CA10: variants seen among roughly 807,000 people sequenced by gnomAD.
CA10 encodes carbonic anhydrase-related protein 10.
CA10 carries 14 observed loss-of-function variants against 44.2 expected under a neutral mutation model. That is an observed-to-expected ratio of 0.32 (90% CI 0.21 to 0.50). The LOEUF (loss-of-function observed/expected upper bound fraction) is 0.50, where lower values mean the gene tolerates loss of function less well. Among genes scored for constraint, CA10 ranks in the 20% least tolerant of loss-of-function variants. CA10 has a pLI of 0.99. For synonymous variants in CA10, 159 were observed against 141.6 expected (o/e 1.12, Z -0.87); for missense variants, 350 against 409.7 (o/e 0.85, Z 1.26).
chr17:51,952,707 G>T (rs1983531013), intron 2 of CA10, among the ~76,000 whole-genome samples: 1 of 152,100 alleles, frequency 6.6e-6, no homozygotes, highest in African/African-American at 2.4e-5. Context: ...TAAATAGAAA[G>T]GGAAAATGTC....
intron 8 of CA10, among the ~76,000 whole-genome samples, chr17:51,633,022 A>G (rs1795297695): frequency 6.6e-6 from 1 of 152,190 alleles, no homozygotes; most frequent in Admixed American, 6.5e-5. Context: ...TCTTCCATAT[A>G]CTTAAAAGCT....
chr17:51,849,196 T>C lies in CA10; in HGVS notation c.279+81794A>G, dbSNP rs868718720. Among the ~76,000 whole-genome samples, 43 of 55,878 alleles carry C rather than the reference T, an allele frequency of 7.7e-4. 1 individual carries two copies. Among genetic ancestry groups the C allele is most frequent in the East Asian group, 1.9e-3 (5 of 2,686 alleles). The allele number at this position is 55,878 out of a possible 152,430, so 36.7% of individuals were successfully genotyped here. A position where few individuals can be genotyped will look rare whatever the true frequency, so the allele number is the denominator to read the frequency against. ...ATATACATATATGTATATATATATA[T>C]ACATATATGTATATATATATATACA... On this transcript the variant is annotated intron_variant, in intron 3 of 8. Coordinates refer to ENST00000451037, the MANE Select transcript of CA10 (RefSeq NM_020178.5).
chr17:51,747,718 C>T lies in CA10; in HGVS notation c.380G>A (p.Arg127Gln), dbSNP rs1409313336. 9.9e-6 allele frequency: 16 copies of T among 1,614,046 alleles called. No homozygotes were observed. Among genetic ancestry groups the T allele is most frequent in the African/African-American group, 4.0e-5 (3 of 74,928 alleles). Residue 127 changes from arginine to glutamine, a missense_variant, in exon 4 of 9, where the codon CGG (arginine) becomes CAG (glutamine). Transcript: ENST00000451037. ...ISGGPMTYSHRLEEIRLHFGS... is the reference protein window; with the variant it reads ...ISGGPMTYSHQLEEIRLHFGS... ...AAAGTGTAGTCGGATCTCCTCCAGCCGGTGGCTGTATGTCATGGGCCCTCC... is the reference window on the plus strand; with the variant it reads ...AAAGTGTAGTCGGATCTCCTCCAGCTGGTGGCTGTATGTCATGGGCCCTCC...
chr17:51,768,776 A>G (rs1028682601), intron 3 of CA10, among the ~76,000 whole-genome samples: 1 of 152,244 alleles, frequency 6.6e-6, no homozygotes, highest in African/African-American at 2.4e-5. Context: ...CATGTAAGCT[A>G]GTACTTGGCA....
chr17:51,941,019 A>C (rs1406296092), intron 2 of CA10, among the ~76,000 whole-genome samples: 1 of 152,166 alleles, frequency 6.6e-6, no homozygotes, highest in Non-Finnish European at 1.5e-5. Context: ...GTAGATTTAC[A>C]TCAAATTCTA....
At chr17:51,817,348 T>G (rs1353255777) in intron 3 of CA10, among the ~76,000 whole-genome samples, 1 of 152,204 alleles carries the variant, frequency 6.6e-6, no homozygotes, top group African/African-American at 2.4e-5. Flanking sequence ...GAGACAGAGA[T>G]CCTATGATCT....
At chr17:51,956,723 C>T (rs139936313) in intron 2 of CA10, among the ~76,000 whole-genome samples, 120 of 152,192 alleles carry the variant, frequency 7.9e-4, no homozygotes, top group African/African-American at 2.6e-3. Context: ...CAAAATGATA[C>T]ATTTGGCAGT....
intron 4 of CA10, among the ~76,000 whole-genome samples, chr17:51,668,394 T>G (rs960578292): frequency 6.6e-6 from 1 of 152,230 alleles, no homozygotes; most frequent in Admixed American, 6.5e-5. Context: ...ACTTCCTTTC[T>G]GAACCCAAAC....
At chr17:52,107,080 C>A (rs1988676406) in intron 1 of CA10, among the ~76,000 whole-genome samples, 1 of 152,090 alleles carries the variant, frequency 6.6e-6, no homozygotes, top group Admixed American at 6.5e-5. Context: ...TGACCAGGAG[C>A]CAGAAGATCT....
intron 2 of CA10, among the ~76,000 whole-genome samples, chr17:52,030,720 T>C (rs1986440711): frequency 6.6e-6 from 1 of 152,142 alleles, no homozygotes; most frequent in South Asian, 2.1e-4. Context: ...TTCTTCCAAG[T>C]CCAGAAAAGG....
intron 3 of CA10, among the ~76,000 whole-genome samples, chr17:51,830,211 A>AAAAAG (rs1908185402): frequency 7.4e-6 from 1 of 134,278 alleles, no homozygotes; most frequent in South Asian, 2.4e-4. Flanking sequence ...AAAAAAAAAA[A>AAAAAG]AAAAAGAAAA....
At chr17:51,937,265 T>C (rs1354988726) in intron 2 of CA10, among the ~76,000 whole-genome samples, 1 of 152,192 alleles carries the variant, frequency 6.6e-6, no homozygotes, top group Non-Finnish European at 1.5e-5. Flanking sequence ...TTTCCCTTGC[T>C]CTTTTCCTCA....
At chr17:51,638,769 G>T (rs1048390304) in intron 6 of CA10, among the ~76,000 whole-genome samples, 1 of 152,172 alleles carries the variant, frequency 6.6e-6, no homozygotes, top group African/African-American at 2.4e-5. Context: ...GCGAGGGTGC[G>T]GGGTACTCAG....
intron 4 of CA10, among the ~76,000 whole-genome samples, chr17:51,706,288 C>T (rs1915760392): frequency 6.6e-6 from 1 of 152,214 alleles, no homozygotes; most frequent in Non-Finnish European, 1.5e-5. Flanking sequence ...CCTAACTGTC[C>T]ATCTGGTCTG....
At chr17:52,119,560 A>C (rs1013793421) in intron 1 of CA10, among the ~76,000 whole-genome samples, 9 of 152,138 alleles carry the variant, frequency 5.9e-5, no homozygotes. Context: ...CAGGTATTTG[A>C]GGGTACAAAC....
chr17:51,645,571 A>G (rs1597959740), intron 6 of CA10, among the ~76,000 whole-genome samples: 1 of 152,216 alleles, frequency 6.6e-6, no homozygotes, highest in African/African-American at 2.4e-5. Flanking sequence ...GTGGAGGCAC[A>G]TGCAAATAGC....
At chr17:51,680,124 T>C (rs1400256425) in intron 4 of CA10, among the ~76,000 whole-genome samples, 1 of 152,186 alleles carries the variant, frequency 6.6e-6, no homozygotes, top group Non-Finnish European at 1.5e-5. Context: ...CTATCCCTGG[T>C]ATAAAGTAAT....
chr17:51,669,815 G>A (rs1193285929), intron 4 of CA10, among the ~76,000 whole-genome samples: 1 of 152,218 alleles, frequency 6.6e-6, no homozygotes, highest in Non-Finnish European at 1.5e-5. Context: ...CTTCATTCTT[G>A]AAGTCAGCAA....
intron 4 of CA10, among the ~76,000 whole-genome samples, chr17:51,697,094 A>G (rs1023439302): frequency 4.6e-5 from 7 of 152,078 alleles, no homozygotes; most frequent in Non-Finnish European, 8.8e-5. Flanking sequence ...TGAAAAAAAA[A>G]AAAAGCACCG....
Sources: gnomAD v4.1 joint callset for allele counts (sites outside exome capture counted in the v4.1 genomes callset) on GRCh38, gnomAD v4.1.1 for gene constraint, MANE v1.5 for transcripts, NCBI Gene and HGNC (gene_info 2026-07-23, HGNC 2026-07-21) for gene names.